HECTD2: variants seen among roughly 807,000 people sequenced by gnomAD.
The protein encoded by HECTD2 is HECT domain E3 ubiquitin protein ligase 2, also known as probable E3 ubiquitin-protein ligase HECTD2.
HECTD2 carries 35 observed loss-of-function variants against 103.2 expected under a neutral mutation model. The observed-to-expected ratio is 0.34, with a 90% CI of 0.26 to 0.45. HECTD2 has a LOEUF of 0.45. Ranked by LOEUF, HECTD2 falls within the 20% of genes least tolerant of loss-of-function variation. The pLI is 1.00. For synonymous variants in HECTD2, 281 were observed against 329.9 expected (o/e 0.85, Z 1.61); for missense variants, 596 against 937.4 (o/e 0.64, Z 4.76).
intron 20 of HECTD2, among the ~76,000 whole-genome samples, chr10:91,501,741 T>A (rs1846907882): frequency 6.6e-6 from 1 of 151,966 alleles, no homozygotes; most frequent in Non-Finnish European, 1.5e-5. Context: ...TGGGGGATAC[T>A]ATAATTATTA....
intron 20 of HECTD2, among the ~76,000 whole-genome samples, chr10:91,504,865 G>C (rs900360798): frequency 6.6e-6 from 1 of 152,018 alleles, no homozygotes; most frequent in Non-Finnish European, 1.5e-5. Flanking sequence ...AAATGTTAAG[G>C]GCAGCCAGAG....
At chr10:91,416,073 T>C (rs933546532) in intron 1 of HECTD2, among the ~76,000 whole-genome samples, 49 of 152,064 alleles carry the variant, frequency 3.2e-4, no homozygotes, top group African/African-American at 9.9e-4. Flanking sequence ...AATGTAGTGC[T>C]TGCTTATTTT....
intron 15 of HECTD2, among the ~76,000 whole-genome samples, chr10:91,497,149 T>C (rs938989811): frequency 6.8e-6 from 1 of 147,588 alleles, no homozygotes. Flanking sequence ...TTTTTTTTTT[T>C]TTTTTTAGCA....
At chr10:91,422,262 T>G (rs1238310068) in intron 1 of HECTD2, among the ~76,000 whole-genome samples, 1 of 152,174 alleles carries the variant, frequency 6.6e-6, no homozygotes, top group Admixed American at 6.5e-5. Context: ...ATATTCCAAC[T>G]ACACTGCTCC....
chr10:91,474,914 G>C (rs1024098327), intron 5 of HECTD2, among the ~76,000 whole-genome samples: 1 of 152,160 alleles, frequency 6.6e-6, no homozygotes, highest in South Asian at 2.1e-4. Flanking sequence ...GAAACCATGA[G>C]AAGATCTGTG....
chr10:91,513,361 A>AAGAT lies in HECTD2; in HGVS notation c.*980_*983dup, dbSNP rs1258848111. ...TGTACCAAAACACTAATTTTTGAAA[A>AAGAT]AGATAGGTTAAAGTATTTGACAAAA... On this transcript the variant is annotated 3_prime_UTR_variant, in exon 21 of 21. Coordinates refer to ENST00000298068, the MANE Select transcript of HECTD2 (RefSeq NM_182765.6). 4 of 152,634 alleles carry AAGAT rather than the reference A, an allele frequency of 2.6e-5. No individual in the cohort carries two copies. The highest frequency in any genetic ancestry group is 7.2e-5 in the African/African-American group (3 of 41,458). 9.5% of individuals were successfully genotyped at this position (152,634 alleles called of 1,614,324 possible).
rs915655578 is a variant in HECTD2 at position 91,451,396 on chromosome 10, G to C, written c.269-9031G>C. 1.9e-3 allele frequency among the ~76,000 whole-genome samples: 290 copies of C among 152,228 alleles called. 5 individuals carry two copies. Among genetic ancestry groups the C allele is most frequent in the Non-Finnish European group, 4.7e-4 (32 of 68,008 alleles). ...GTGGATTGGGACCAGGGGAGGGATA[G>C]CATTAGGAGAAATACTTAATGTAGA... is the stretch of plus-strand genomic sequence containing the variant. On this transcript the variant is annotated intron_variant, in intron 2 of 20. Transcript: ENST00000298068.
intron 18 of HECTD2, among the ~76,000 whole-genome samples, 197 bp from the exon 19 acceptor site, chr10:91,500,305 G>C (rs991430806): frequency 4.6e-5 from 7 of 152,166 alleles, no homozygotes; most frequent in African/African-American, 1.7e-4. Flanking sequence ...CTATTTACAA[G>C]ATCTATAAAC....
intron 20 of HECTD2, among the ~76,000 whole-genome samples, chr10:91,510,691 G>C (rs1385078177): frequency 1.3e-5 from 2 of 152,116 alleles, no homozygotes; most frequent in Admixed American, 6.5e-5. Context: ...GTAAACAGCA[G>C]AGCACTTTAG....
At chr10:91,420,738 A>G (rs1447945721) in intron 1 of HECTD2, among the ~76,000 whole-genome samples, 1 of 152,186 alleles carries the variant, frequency 6.6e-6, no homozygotes. Context: ...ATTCTCTTTT[A>G]GCTAGTCAGT....
At chr10:91,489,287 G>A (rs1846379289) in intron 11 of HECTD2, 1 of 152,072 alleles carries the variant, frequency 6.6e-6, no homozygotes, top group Admixed American at 6.6e-5. Flanking sequence ...AGTTTTTTAT[G>A]GGTGTTTCCC....
At chr10:91,421,760 ATTTTCTTC>A (rs974309378) in intron 1 of HECTD2, among the ~76,000 whole-genome samples, 2 of 152,288 alleles carry the variant, frequency 1.3e-5, no homozygotes, top group Admixed American at 1.3e-4. Flanking sequence ...CCAGTCTAGA[ATTTTCTTC>A]AAAGATGCCC....
chr10:91,436,237 C>G (rs1564705968), intron 2 of HECTD2, among the ~76,000 whole-genome samples: 1 of 151,874 alleles, frequency 6.6e-6, no homozygotes, highest in Non-Finnish European at 1.5e-5. Flanking sequence ...AATGAGGGAA[C>G]CAAGATGGAT....
chr10:91,474,856 G>C (rs553785853), intron 5 of HECTD2, among the ~76,000 whole-genome samples: 1 of 152,290 alleles, frequency 6.6e-6, no homozygotes, highest in East Asian at 1.9e-4. Context: ...GAAGCTCAGG[G>C]AGGGCCTCTG....
chr10:91,426,378 A>G (rs779851358), intron 2 of HECTD2, among the ~76,000 whole-genome samples: 1 of 152,060 alleles, frequency 6.6e-6, no homozygotes, highest in Non-Finnish European at 1.5e-5. Flanking sequence ...ATTTAAGGAC[A>G]TAGTTTCTGG....
At chr10:91,451,070 A>C (rs758342516) in intron 2 of HECTD2, among the ~76,000 whole-genome samples, 13 of 152,158 alleles carry the variant, frequency 8.5e-5, no homozygotes, top group Non-Finnish European at 1.8e-4. Context: ...ACACATGCAC[A>C]CATATGTTTA....
intron 5 of HECTD2, among the ~76,000 whole-genome samples, chr10:91,465,915 T>C (rs1311170608): frequency 6.6e-6 from 1 of 152,208 alleles, no homozygotes; most frequent in Non-Finnish European, 1.5e-5. Flanking sequence ...AATATCTTTC[T>C]CTTTTGAGCA....
intron 2 of HECTD2, among the ~76,000 whole-genome samples, chr10:91,438,612 C>T (rs1844242710): frequency 6.6e-6 from 1 of 152,116 alleles, no homozygotes; most frequent in Non-Finnish European, 1.5e-5. Context: ...ATTGCTGGGT[C>T]ACATGGTATT....
chr10:91,427,735 A>T (rs566260257), intron 2 of HECTD2, among the ~76,000 whole-genome samples: 1 of 152,074 alleles, frequency 6.6e-6, no homozygotes, highest in South Asian at 2.1e-4. Flanking sequence ...TTCATTGTAG[A>T]TTCTGGATAT....
Sources: gnomAD v4.1 joint callset for allele counts (sites outside exome capture counted in the v4.1 genomes callset) on GRCh38, gnomAD v4.1.1 for gene constraint, MANE v1.5 for transcripts, NCBI Gene and HGNC (gene_info 2026-07-23, HGNC 2026-07-21) for gene names.